The following CCSER1 variants were observed in gnomAD, a reference collection of about 807,000 sequenced individuals.
CCSER1 encodes the protein coiled-coil serine rich protein 1, also known as serine-rich coiled-coil domain-containing protein 1.
CCSER1 carries 41 observed loss-of-function variants against 82.0 expected under a neutral mutation model. The ratio of observed to expected loss-of-function variants is 0.50; its 90% CI spans 0.39 to 0.65. The LOEUF is 0.65. Ranked by LOEUF, CCSER1 falls within the 30% of genes least tolerant of loss-of-function variation. The pLI, the probability that CCSER1 is intolerant of heterozygous loss-of-function variation, is 0.00. For missense variants in CCSER1, 1,119 were observed against 1,064.2 expected, an observed-to-expected ratio of 1.05 and a Z score of -0.72; for synonymous variants, 414 against 383.9, an observed-to-expected ratio of 1.08 and a Z score of -0.92.
chr4:90,185,348 GAA>G (rs1384997731), intron 1 of CCSER1, among the ~76,000 whole-genome samples: 12 of 152,062 alleles, frequency 7.9e-5, no homozygotes, highest in Non-Finnish European at 1.3e-4. Flanking sequence ...GGAGGTAAAA[GAA>G]TGAACATGGC....
intron 6 of CCSER1, among the ~76,000 whole-genome samples, chr4:90,655,852 A>G (rs1037904972): frequency 1.3e-5 from 2 of 151,928 alleles, no homozygotes; most frequent in African/African-American, 2.4e-5. Context: ...AACTTAAACA[A>G]TTTTTAAAAT....
chr4:91,019,092 A>C (rs1739691950), intron 9 of CCSER1, among the ~76,000 whole-genome samples: 1 of 152,028 alleles, frequency 6.6e-6, no homozygotes, highest in South Asian at 2.1e-4. Flanking sequence ...TGTGAATTCA[A>C]ATATAATAAG....
At chr4:90,640,713 T>G (rs780743960) in intron 6 of CCSER1, among the ~76,000 whole-genome samples, 1 of 152,136 alleles carries the variant, frequency 6.6e-6, no homozygotes, top group Non-Finnish European at 1.5e-5. Context: ...GAGTGAGTTC[T>G]CAGGAGACGT....
chr4:91,450,570 C>T (rs1755815536), intron 10 of CCSER1, among the ~76,000 whole-genome samples: 1 of 152,054 alleles, frequency 6.6e-6, no homozygotes, highest in African/African-American at 2.4e-5. Flanking sequence ...TCCTGGCTTG[C>T]TGTCTGCAGA....
intron 10 of CCSER1, among the ~76,000 whole-genome samples, chr4:91,207,648 G>A (rs982960967): frequency 6.6e-6 from 1 of 151,910 alleles, no homozygotes; most frequent in Admixed American, 6.6e-5. Context: ...CATTTAGGTT[G>A]ATGACATGTC....
intron 9 of CCSER1, among the ~76,000 whole-genome samples, chr4:90,936,994 T>C (rs916706245): frequency 5.3e-5 from 8 of 152,098 alleles, no homozygotes; most frequent in African/African-American, 1.9e-4. Flanking sequence ...GACACTGAGA[T>C]TGTAGCAGTG....
chr4:90,520,230 G>T (rs1772902154), intron 5 of CCSER1, among the ~76,000 whole-genome samples: 2 of 151,100 alleles, frequency 1.3e-5, no homozygotes, highest in African/African-American at 4.9e-5. Flanking sequence ...AATTATATAT[G>T]ATATGAAATT....
chr4:90,931,467 A>C (rs1729806335), intron 9 of CCSER1, among the ~76,000 whole-genome samples: 1 of 152,154 alleles, frequency 6.6e-6, no homozygotes, highest in Admixed American at 6.5e-5. Context: ...GGTGGTATTC[A>C]AATTAACTCT....
intron 5 of CCSER1, among the ~76,000 whole-genome samples, chr4:90,594,554 G>C (rs1024111948): frequency 2.6e-5 from 4 of 152,066 alleles, no homozygotes; most frequent in African/African-American, 7.2e-5. Context: ...GATTGGGGAA[G>C]CAGTGATTTT....
At chr4:91,033,652 A>G (rs1297952726) in intron 9 of CCSER1, among the ~76,000 whole-genome samples, 2 of 152,158 alleles carry the variant, frequency 1.3e-5, no homozygotes, top group African/African-American at 4.8e-5. Context: ...TCTGTGCCAC[A>G]GGATAGCAAC....
intron 10 of CCSER1, among the ~76,000 whole-genome samples, chr4:91,089,439 A>G (rs947659712): frequency 6.6e-6 from 1 of 152,190 alleles, no homozygotes; most frequent in Admixed American, 6.5e-5. Context: ...CAGGTACTGA[A>G]TATAAAACAA....
At chr4:91,232,732 GTTAAAA>G (rs1318027035) in intron 10 of CCSER1, among the ~76,000 whole-genome samples, 4 of 151,774 alleles carry the variant, frequency 2.6e-5, no homozygotes, top group East Asian at 1.9e-4. Context: ...AAATTTTAAT[GTTAAAA>G]TTAAAATGTA....
chr4:91,210,824 G>A (rs1180766390), intron 10 of CCSER1, among the ~76,000 whole-genome samples: 1 of 151,860 alleles, frequency 6.6e-6, no homozygotes, highest in Non-Finnish European at 1.5e-5. Context: ...TTAGGTGATA[G>A]TAATGCCGAT....
intron 4 of CCSER1, among the ~76,000 whole-genome samples, chr4:90,421,737 T>C (rs1385210788): frequency 6.6e-6 from 1 of 152,086 alleles, no homozygotes; most frequent in East Asian, 1.9e-4. Context: ...AGTTTAGAGT[T>C]GTAGGATTGG....
chr4:91,480,133 A>G (rs1757824547), intron 10 of CCSER1, among the ~76,000 whole-genome samples: 1 of 151,190 alleles, frequency 6.6e-6, no homozygotes, highest in African/African-American at 2.4e-5. Flanking sequence ...TTCTTAATCC[A>G]GTCTATCATT....
In CCSER1 at chr4:90,735,814, GT is replaced by G. The variant is rs1745542590; in HGVS notation, c.2010+11826del. ...CATTGTTAGGTTGTTTATTTGAAGT[GT>G]TTCTACTTTTTTGAAATAGGTGCTT... On this transcript the variant is annotated intron_variant, in intron 7 of 10. Coordinates refer to ENST00000509176, the MANE Select transcript of CCSER1 (RefSeq NM_001145065.2). Among the ~76,000 whole-genome samples, 4 of 151,968 alleles carry G rather than the reference GT, an allele frequency of 2.6e-5. No homozygotes were observed. The South Asian group carries it at 8.3e-4, about 32-fold the overall frequency.
intron 10 of CCSER1, among the ~76,000 whole-genome samples, chr4:91,130,292 G>A (rs1414252837): frequency 6.6e-6 from 1 of 151,726 alleles, no homozygotes; most frequent in Non-Finnish European, 1.5e-5. Flanking sequence ...GCAAAGTATA[G>A]CTTATTTCAA....
chr4:91,332,769 A>G (rs1161659439), intron 10 of CCSER1, among the ~76,000 whole-genome samples: 1 of 151,960 alleles, frequency 6.6e-6, no homozygotes, highest in Non-Finnish European at 1.5e-5. Flanking sequence ...TAGTAACATC[A>G]CCTTTCTTTC....
intron 8 of CCSER1, among the ~76,000 whole-genome samples, chr4:90,917,473 T>C (rs192717645): frequency 9.9e-4 from 150 of 152,132 alleles, no homozygotes; most frequent in Admixed American, 2.2e-3. Flanking sequence ...ATGAGAACAC[T>C]TGGACCCAGG....
Sources: allele counts gnomAD v4.1 joint callset (sites outside exome capture counted in the v4.1 genomes callset), GRCh38; gene constraint gnomAD v4.1.1; transcripts MANE v1.5; gene names NCBI Gene and HGNC (gene_info 2026-07-23, HGNC 2026-07-21).